ATRNL1: variants seen among roughly 807,000 people sequenced by gnomAD.
The protein encoded by ATRNL1 is attractin like 1.
ATRNL1 carries 95 observed loss-of-function variants against 182.7 expected under a neutral mutation model. The ratio of observed to expected loss-of-function variants is 0.52; its 90% CI spans 0.44 to 0.62. The LOEUF (loss-of-function observed/expected upper bound fraction) is 0.62, where lower values mean the gene tolerates loss of function less well. Among genes scored for constraint, ATRNL1 ranks in the 20% least tolerant of loss-of-function variants. The pLI is 0.00. For synonymous variants in ATRNL1, 576 were observed against 568.3 expected, an observed-to-expected ratio of 1.01 and a Z score of -0.19; for missense variants, 1,471 against 1,679.5, an observed-to-expected ratio of 0.88 and a Z score of 2.17.
At chr10:115,738,862 A>G (rs1268792277) in intron 27 of ATRNL1, among the ~76,000 whole-genome samples, 2 of 152,126 alleles carry the variant, frequency 1.3e-5, no homozygotes, top group African/African-American at 4.8e-5. Flanking sequence ...TACAGTTTAA[A>G]TAAATAATTT....
chr10:115,282,432 C>A (rs1254708875), intron 14 of ATRNL1, among the ~76,000 whole-genome samples: 1 of 151,032 alleles, frequency 6.6e-6, no homozygotes, highest in Non-Finnish European at 1.5e-5. Context: ...CAACAGTCCC[C>A]AGAGTGTGAT....
rs183860090 is a variant in ATRNL1, at chr10:115,262,922, A to G, written c.1688-2271A>G. Among the ~76,000 whole-genome samples the G allele has an allele frequency of 9.9e-5, 15 of 152,106 alleles. No homozygotes were observed. In the East Asian group the frequency reaches 2.7e-3, roughly 27 times the overall value. ...TTGTACACTGCTAATGTGAGTCAAC[A>G]CAACTACTTTGGGGAGCAAATTGGG... On this transcript the variant is annotated intron_variant, in intron 10 of 28. Transcript: ENST00000355044.
chr10:115,250,002 C>A (rs1363634216), intron 10 of ATRNL1, among the ~76,000 whole-genome samples: 1 of 152,176 alleles, frequency 6.6e-6, no homozygotes, highest in Non-Finnish European at 1.5e-5. Flanking sequence ...TTTATGCCCA[C>A]ATATCAAGCT....
At chr10:115,269,920 G>A (rs1330588150) in intron 13 of ATRNL1, among the ~76,000 whole-genome samples, 1 of 151,920 alleles carries the variant, frequency 6.6e-6, no homozygotes, top group African/African-American at 2.4e-5. Flanking sequence ...GAAATTTGCA[G>A]TTACTGACTC....
intron 1 of ATRNL1, among the ~76,000 whole-genome samples, chr10:115,112,364 C>A (rs946974716): frequency 6.6e-6 from 1 of 152,188 alleles, no homozygotes; most frequent in Non-Finnish European, 1.5e-5. Flanking sequence ...AGGCATTACA[C>A]TAGCTGACTG....
At chr10:115,630,214 C>T (rs539542234) in intron 26 of ATRNL1, among the ~76,000 whole-genome samples, 1 of 152,092 alleles carries the variant, frequency 6.6e-6, no homozygotes, top group Non-Finnish European at 1.5e-5. Context: ...CTTGAATAGG[C>T]ATTTTCCCAA....
At chr10:115,932,031 C>T (rs984142953) in intron 28 of ATRNL1, among the ~76,000 whole-genome samples, 2 of 152,144 alleles carry the variant, frequency 1.3e-5, no homozygotes, top group Non-Finnish European at 2.9e-5. Context: ...TTTGAAAGGT[C>T]CCCACTAGTG....
At chr10:115,301,224 GCTTCTTGCTTT>G (rs1853449945) in intron 16 of ATRNL1, among the ~76,000 whole-genome samples, 1 of 152,096 alleles carries the variant, frequency 6.6e-6, no homozygotes. Flanking sequence ...TAACTGTTCA[GCTTCTTGCTTT>G]CACTTCTTTG....
At chr10:115,347,110 A>T (rs1856011476) in intron 19 of ATRNL1, among the ~76,000 whole-genome samples, 1 of 152,164 alleles carries the variant, frequency 6.6e-6, no homozygotes, top group South Asian at 2.1e-4. Context: ...CTTCTCTGCT[A>T]GGTTGAAGAC....
chr10:115,910,633 G>A (rs1952646475), intron 28 of ATRNL1, among the ~76,000 whole-genome samples: 1 of 152,036 alleles, frequency 6.6e-6, no homozygotes, highest in South Asian at 2.1e-4. Context: ...GGATATATAT[G>A]TGTGTAGAAC....
At chr10:115,370,829 G>T (rs562931684) in intron 19 of ATRNL1, among the ~76,000 whole-genome samples, 37 of 152,304 alleles carry the variant, frequency 2.4e-4, no homozygotes, top group African/African-American at 8.7e-4. Context: ...CCAAGACAGT[G>T]GGGGGAAATG....
At chr10:115,292,236 CCTCT>C (rs1554921116) in intron 15 of ATRNL1, among the ~76,000 whole-genome samples, 3 of 151,484 alleles carry the variant, frequency 2.0e-5, no homozygotes, top group Non-Finnish European at 4.4e-5. Flanking sequence ...TTATCTGGGT[CCTCT>C]CTCTTTCTTG....
intron 26 of ATRNL1, among the ~76,000 whole-genome samples, chr10:115,641,824 G>A (rs982582293): frequency 6.6e-6 from 1 of 151,642 alleles, no homozygotes; most frequent in Admixed American, 6.6e-5. Context: ...CATTATTGTA[G>A]ATAATTATAA....
chr10:115,476,950 TA>T (rs1475391693), intron 24 of ATRNL1, among the ~76,000 whole-genome samples: 6 of 151,504 alleles, frequency 4.0e-5, no homozygotes, highest in African/African-American at 1.2e-4. Context: ...AGAAACTACA[TA>T]TTTTTTTGTA....
Position 115,315,549 on chromosome 10 carries a change from A to T in ATRNL1, c.2850A>T (p.Gly950=), listed in dbSNP as rs782542022. Residue 950 remains glycine, a synonymous_variant, in exon 18 of 29, where the codon GGA becomes GGT. Coordinates refer to ENST00000355044, the MANE Select transcript of ATRNL1 (RefSeq NM_207303.4). The part of the protein sequence containing the change: ...PQNCSGLRTC[G]QCLEQPGCGW... Reference sequence around the variant, plus strand: ...ATTGTTCTGGATTGAGAACCTGTGGACAGTGTTTGGAACAGCCTGGATGTG... The same window carrying T: ...ATTGTTCTGGATTGAGAACCTGTGGTCAGTGTTTGGAACAGCCTGGATGTG... 6.2e-6 allele frequency: 10 copies of T among 1,613,686 alleles called. No homozygotes were observed. The Admixed American group carries it at 1.7e-4, about 27-fold the overall frequency.
chr10:115,291,145 A>T (rs1554920738), intron 15 of ATRNL1, among the ~76,000 whole-genome samples: 1 of 152,120 alleles, frequency 6.6e-6, no homozygotes, highest in Non-Finnish European at 1.5e-5. Flanking sequence ...GCTTTTTGTT[A>T]AAAGGGAAGT....
chr10:115,703,367 A>G (rs1555052185), intron 26 of ATRNL1, among the ~76,000 whole-genome samples: 1 of 152,002 alleles, frequency 6.6e-6, no homozygotes, highest in East Asian at 1.9e-4. Context: ...ATTTATAACT[A>G]AGTCTTCAAA....
At chr10:115,444,807 T>C (rs1846876549) in intron 21 of ATRNL1, among the ~76,000 whole-genome samples, 1 of 152,126 alleles carries the variant, frequency 6.6e-6, no homozygotes, top group Non-Finnish European at 1.5e-5. Context: ...TCTTGGCTCA[T>C]TGCAACTTCC....
At chr10:115,571,107 G>A (rs1854363788) in intron 26 of ATRNL1, among the ~76,000 whole-genome samples, 1 of 152,094 alleles carries the variant, frequency 6.6e-6, no homozygotes, top group Non-Finnish European at 1.5e-5. Flanking sequence ...TCCTCCATAT[G>A]GGCCTATCCA....
Sources: gnomAD v4.1 joint callset for allele counts (sites outside exome capture counted in the v4.1 genomes callset) on GRCh38, gnomAD v4.1.1 for gene constraint, MANE v1.5 for transcripts, NCBI Gene and HGNC (gene_info 2026-07-23, HGNC 2026-07-21) for gene names.